LRRC7: variants seen among roughly 807,000 people sequenced by gnomAD.
LRRC7 encodes leucine rich repeat containing 7, also known as leucine-rich repeat-containing protein 7.
LRRC7 carries 23 observed loss-of-function variants against 175.7 expected under a neutral mutation model. The ratio of observed to expected loss-of-function variants is 0.13; its 90% CI spans 0.09 to 0.19. The LOEUF is 0.19. Ranked by LOEUF, LRRC7 falls within the 10% of genes least tolerant of loss-of-function variation. The pLI, the probability that LRRC7 is intolerant of heterozygous loss-of-function variation, is 1.00. For missense variants in LRRC7, 1,354 were observed against 1,904.7 expected (o/e 0.71, Z 5.38); for synonymous variants, 685 against 680.9 (o/e 1.01, Z -0.09).
At chr1:70,100,985 C>A (rs1397994880) in intron 25 of LRRC7, among the ~76,000 whole-genome samples, 1 of 152,060 alleles carries the variant, frequency 6.6e-6, no homozygotes, top group Non-Finnish European at 1.5e-5. Flanking sequence ...TTGATAATAC[C>A]TTTATCCTTG....
At chr1:69,922,780 A>G (rs886184412) in intron 7 of LRRC7, among the ~76,000 whole-genome samples, 1 of 151,788 alleles carries the variant, frequency 6.6e-6, no homozygotes, top group Non-Finnish European at 1.5e-5. Context: ...ACCTCGAAAT[A>G]CTATTCTTTT....
chr1:69,798,068 C>G (rs1306820151), intron 4 of LRRC7, among the ~76,000 whole-genome samples: 4 of 151,954 alleles, frequency 2.6e-5, no homozygotes, highest in Non-Finnish European at 4.4e-5. Context: ...ATTACAGGCG[C>G]CTGTCAACAC....
intron 3 of LRRC7, among the ~76,000 whole-genome samples, chr1:69,778,765 A>G (rs1040935255): frequency 3.9e-5 from 6 of 152,080 alleles, no homozygotes; most frequent in Admixed American, 2.6e-4. Flanking sequence ...CAGTTATACC[A>G]TGAGCCATCT....
At chr1:69,838,699 G>A (rs1269358316) in intron 7 of LRRC7, among the ~76,000 whole-genome samples, 6 of 151,668 alleles carry the variant, frequency 4.0e-5, no homozygotes, top group Admixed American at 6.6e-5. Context: ...GAAATTTTTA[G>A]GAAAAAAGAT....
intron 4 of LRRC7, among the ~76,000 whole-genome samples, chr1:69,819,577 C>CTGTGTGTGTGTGTGTGTGTG (rs71071379): frequency 8.7e-6 from 1 of 114,908 alleles, no homozygotes; most frequent in African/African-American, 3.1e-5. Context: ...CTCTCTCTCT[C>CTGTGTGTGTGTGTGTGTGTG]TGTGTGTGTG....
chr1:70,115,750 G>A (rs1665808311), intron 26 of LRRC7, among the ~76,000 whole-genome samples: 1 of 152,164 alleles, frequency 6.6e-6, no homozygotes, highest in Non-Finnish European at 1.5e-5. Context: ...GATAAAAAGA[G>A]CTGAATATAA....
intron 1 of LRRC7, among the ~76,000 whole-genome samples, chr1:69,622,623 G>A (rs1275943433): frequency 1.3e-5 from 2 of 152,184 alleles, no homozygotes; most frequent in East Asian, 1.9e-4. Flanking sequence ...AGAATTAAGA[G>A]ATTCTGGAGA....
chr1:69,681,694 C>T (rs781322016), intron 2 of LRRC7, among the ~76,000 whole-genome samples: 1 of 152,118 alleles, frequency 6.6e-6, no homozygotes, highest in African/African-American at 2.4e-5. Context: ...CAGCCCTACA[C>T]TCTTGTTCTC....
intron 8 of LRRC7, 100 bp downstream of exon 8, chr1:69,931,670 G>A: frequency 4.4e-6 from 4 of 919,274 alleles, no homozygotes; most frequent in Non-Finnish European, 6.8e-6. Flanking sequence ...TTGCACGTTT[G>A]CATTTGCTAA....
intron 1 of LRRC7, among the ~76,000 whole-genome samples, chr1:69,598,251 T>C (rs966069): frequency 0.15 from 22,950 of 152,032 alleles, 1,890 homozygotes; most frequent in Admixed American, 0.19. Context: ...TTCAGGAATA[T>C]AGTCTATGGT....
At chr1:69,906,691 C>G (rs987988948) in intron 7 of LRRC7, among the ~76,000 whole-genome samples, 2 of 151,958 alleles carry the variant, frequency 1.3e-5, no homozygotes, top group Admixed American at 6.6e-5. Context: ...AGTCAGGTAG[C>G]GTGATGCCTC....
chr1:69,982,130 A>G (rs1453426336), intron 9 of LRRC7, among the ~76,000 whole-genome samples: 1 of 152,258 alleles, frequency 6.6e-6, no homozygotes, highest in Non-Finnish European at 1.5e-5. Context: ...CTCACATGCC[A>G]AATTTCTCAA....
At chr1:69,733,909 T>C (rs1371280298) in intron 2 of LRRC7, among the ~76,000 whole-genome samples, 1 of 152,040 alleles carries the variant, frequency 6.6e-6, no homozygotes, top group Non-Finnish European at 1.5e-5. Flanking sequence ...ACCAACCAAC[T>C]CAGCTAGTGT....
chr1:69,796,926 T>C (rs541264193), intron 4 of LRRC7, among the ~76,000 whole-genome samples: 1 of 152,298 alleles, frequency 6.6e-6, no homozygotes, highest in South Asian at 2.1e-4. Flanking sequence ...TTTTACATTG[T>C]ATATGTTTTT....
intron 8 of LRRC7, among the ~76,000 whole-genome samples, chr1:69,937,393 G>A (rs960748378): frequency 6.6e-6 from 1 of 151,890 alleles, no homozygotes; most frequent in Non-Finnish European, 1.5e-5. Context: ...AATTCTATGG[G>A]CTGTTTTGTC....
chr1:69,747,333 AC>A (rs2100880819), intron 2 of LRRC7, among the ~76,000 whole-genome samples: 1 of 152,294 alleles, frequency 6.6e-6, no homozygotes, highest in African/African-American at 2.4e-5. Context: ...ACAGGAAAAC[AC>A]AAATGTGCAA....
In LRRC7 at chr1:69,678,215, A is replaced by G. The variant is rs186992661; in HGVS notation, c.3-166A>G. On this transcript the variant is annotated intron_variant, in intron 1 of 26. Transcript: ENST00000651989. Reference sequence around the variant, plus strand: ...TGCTGGAAAAGTCAAGCACTCTTCAATTTACTATGGTCCCCGATGCTCCCT... The same window carrying G: ...TGCTGGAAAAGTCAAGCACTCTTCAGTTTACTATGGTCCCCGATGCTCCCT... Among the ~76,000 whole-genome samples, 425 of 152,054 alleles carry G rather than the reference A, an allele frequency of 2.8e-3. 1 individual carries two copies. Among genetic ancestry groups the G allele is most frequent in the Non-Finnish European group, 5.0e-3 (343 of 67,974 alleles).
At position 69,913,746 on chromosome 1, in the gene LRRC7, C is replaced by T. The variant is rs1056300439; in HGVS notation, c.648-17761C>T. ...CAGGCTGGTCTCAAACTCTTGACCTCAGATGATCCACCCACCTCGGCCTCC... is the reference window on the plus strand; with the variant it reads ...CAGGCTGGTCTCAAACTCTTGACCTTAGATGATCCACCCACCTCGGCCTCC... On this transcript the variant is annotated intron_variant, in intron 7 of 26. Coordinates refer to ENST00000651989, the MANE Select transcript of LRRC7 (RefSeq NM_001370785.2). Among the ~76,000 whole-genome samples, 6 of 152,146 alleles carry T rather than the reference C, an allele frequency of 3.9e-5. No individual in the cohort carries two copies. The South Asian group carries it at 6.2e-4, about 16-fold the overall frequency.
intron 3 of LRRC7, among the ~76,000 whole-genome samples, chr1:69,771,710 T>C (rs528846852): frequency 9.2e-5 from 14 of 152,328 alleles, no homozygotes; most frequent in East Asian, 3.9e-4. Context: ...AGATATATTA[T>C]TGAGGAAGAT....
Sources: allele counts gnomAD v4.1 joint callset (sites outside exome capture counted in the v4.1 genomes callset), GRCh38; gene constraint gnomAD v4.1.1; transcripts MANE v1.5; gene names NCBI Gene and HGNC (gene_info 2026-07-23, HGNC 2026-07-21).